Variants in TAFA4 observed in about 807,000 individuals in gnomAD.
TAFA4 encodes chemokine-like protein TAFA-4.
A neutral mutation model predicts 21.1 loss-of-function variants in TAFA4; 20 were observed. That is an observed-to-expected ratio of 0.95 (90% CI 0.67 to 1.38). TAFA4 has a LOEUF of 1.38. TAFA4 is among the 40% of genes most tolerant of loss of function. TAFA4 has a pLI of 0.00. For missense variants in TAFA4, 211 were observed against 180.9 expected, an observed-to-expected ratio of 1.17 and a Z score of -0.95; for synonymous variants, 71 against 67.4, an observed-to-expected ratio of 1.05 and a Z score of -0.26.
At chr3:68,741,569 C>T (rs1489641572) in intron 4 of TAFA4, among the ~76,000 whole-genome samples, 5 of 151,942 alleles carry the variant, frequency 3.3e-5, no homozygotes, top group African/African-American at 7.3e-5. Context: ...TCCAGGCAGG[C>T]AGATCATGAG....
At chr3:68,852,247 T>C (rs114600401) in intron 3 of TAFA4, among the ~76,000 whole-genome samples, 2 of 152,262 alleles carry the variant, frequency 1.3e-5, no homozygotes, top group Non-Finnish European at 2.9e-5. Flanking sequence ...GGAGGGACCA[T>C]GCATCTAAAG....
intron 1 of TAFA4, among the ~76,000 whole-genome samples, chr3:68,897,027 C>G (rs150478231): frequency 6.6e-6 from 1 of 152,064 alleles, no homozygotes; most frequent in African/African-American, 2.4e-5. Context: ...CTCAGCCTCC[C>G]GAGTAGCTGG....
At chr3:68,772,655 G>C (rs1602201) in intron 3 of TAFA4, among the ~76,000 whole-genome samples, 41,756 of 152,056 alleles carry the variant, frequency 0.27, 7,125 homozygotes, top group Non-Finnish European at 0.39. Context: ...CAGGCCATCA[G>C]AAAGACCAAG....
chr3:68,810,296 A>C (rs1703805061), intron 3 of TAFA4, among the ~76,000 whole-genome samples: 1 of 152,152 alleles, frequency 6.6e-6, no homozygotes, highest in Admixed American at 6.5e-5. Context: ...TAATGGGTTC[A>C]TCTCACTGGG....
intron 3 of TAFA4, among the ~76,000 whole-genome samples, chr3:68,842,716 T>C (rs1704692698): frequency 6.6e-6 from 1 of 152,232 alleles, no homozygotes; most frequent in East Asian, 1.9e-4. Context: ...GAGTTAATTT[T>C]TGTGTAAAGT....
Position 68,752,939 on chromosome 3 carries a change from C to G in TAFA4, c.210G>C (p.Arg70=). ...AGCAAGAGCACTTGACCGTTTGTGA[C>G]CGCTCTTCTATGCGGTTCTTATTGC... ...RCCNKNRIEE[R]SQTVKCSCFP... is the part of the protein sequence containing the mutation. Residue 70 remains arginine (R), a synonymous_variant, in exon 4 of 6, where the codon CGG becomes CGC. Transcript: ENST00000295569. 1 of 1,614,110 alleles carries G rather than the reference C, an allele frequency of 6.2e-7. No homozygotes were observed. Among genetic ancestry groups the G allele is most frequent in the South Asian group, 1.1e-5 (1 of 91,078 alleles).
Position 68,902,723 on chromosome 3 carries a change from T to C in TAFA4, c.-122-17413A>G, listed in dbSNP as rs953214181. Among the ~76,000 whole-genome samples the C allele has an allele frequency of 3.9e-5, 6 of 152,180 alleles. No individual in the cohort carries two copies. In the East Asian group the frequency reaches 5.8e-4, roughly 15 times the overall value. On this transcript the variant is annotated intron_variant, in intron 1 of 5. Coordinates refer to ENST00000295569, the MANE Select transcript of TAFA4 (RefSeq NM_182522.5). ...ACAACCTTGTCTTTTGGTCTTCCTC[T>C]ATTAACATGTTTCCCTTATATGTAT...
chr3:68,903,340 T>G (rs1454046275), intron 1 of TAFA4, among the ~76,000 whole-genome samples: 1 of 152,242 alleles, frequency 6.6e-6, no homozygotes, highest in African/African-American at 2.4e-5. Flanking sequence ...GAGCCTCTAT[T>G]TGAAATTCAT....
At chr3:68,760,829 G>C (rs1032600347) in intron 3 of TAFA4, among the ~76,000 whole-genome samples, 1 of 152,196 alleles carries the variant, frequency 6.6e-6, no homozygotes, top group Non-Finnish European at 1.5e-5. Flanking sequence ...AGACATCGCA[G>C]TGTAGAAGAC....
At chr3:68,821,868 T>C (rs1372535008) in intron 3 of TAFA4, among the ~76,000 whole-genome samples, 2 of 152,184 alleles carry the variant, frequency 1.3e-5, no homozygotes, top group African/African-American at 4.8e-5. Context: ...AACTAGCAGC[T>C]CTCTGTCTTC....
intron 1 of TAFA4, among the ~76,000 whole-genome samples, chr3:68,899,897 A>T (rs2089827244): frequency 6.6e-6 from 1 of 152,130 alleles, no homozygotes; most frequent in Non-Finnish European, 1.5e-5. Flanking sequence ...AAAAATTAAT[A>T]TCTGGAAAGC....
At chr3:68,786,392 A>G (rs1703262665) in intron 3 of TAFA4, among the ~76,000 whole-genome samples, 3 of 152,176 alleles carry the variant, frequency 2.0e-5, no homozygotes, top group Admixed American at 6.5e-5. Context: ...GGTGAGCCCA[A>G]GAGTTTGAGG....
intron 2 of TAFA4, among the ~76,000 whole-genome samples, chr3:68,881,180 G>C (rs1171842474): frequency 6.6e-6 from 1 of 152,178 alleles, no homozygotes; most frequent in Non-Finnish European, 1.5e-5. Flanking sequence ...AACACACTTA[G>C]AGCCAGATCC....
intron 1 of TAFA4, among the ~76,000 whole-genome samples, chr3:68,928,980 T>A (rs1378599324): frequency 3.7e-5 from 3 of 80,392 alleles, no homozygotes; most frequent in Non-Finnish European, 8.3e-5. Flanking sequence ...TACAATTAAG[T>A]TTATTTAAAA....
At chr3:68,856,956 G>A (rs1482222496) in intron 3 of TAFA4, among the ~76,000 whole-genome samples, 2 of 152,104 alleles carry the variant, frequency 1.3e-5, no homozygotes, top group Non-Finnish European at 2.9e-5. Context: ...AACATGACAG[G>A]ATAATAGAAC....
chr3:68,928,223 T>C (rs1343712176), intron 1 of TAFA4, among the ~76,000 whole-genome samples: 1 of 152,210 alleles, frequency 6.6e-6, no homozygotes, highest in Non-Finnish European at 1.5e-5. Context: ...TTCATCCATA[T>C]AAAGAAAGCC....
At chr3:68,798,420 A>C (rs1703499363) in intron 3 of TAFA4, among the ~76,000 whole-genome samples, 2 of 152,244 alleles carry the variant, frequency 1.3e-5, no homozygotes, top group African/African-American at 4.8e-5. Flanking sequence ...TGACAATGTA[A>C]GTGCAAACAA....
chr3:68,840,313 T>TC (rs1704631410), intron 3 of TAFA4, among the ~76,000 whole-genome samples: 2 of 152,012 alleles, frequency 1.3e-5, no homozygotes, highest in Non-Finnish European at 2.9e-5. Context: ...GTTTAAGTGA[T>TC]CCCCCCACCT....
chr3:68,773,697 G>A (rs1418226598), intron 3 of TAFA4, among the ~76,000 whole-genome samples: 1 of 152,044 alleles, frequency 6.6e-6, no homozygotes, highest in African/African-American at 2.4e-5. Context: ...CTGTGTCCCA[G>A]GAACCAGACA....
Sources: allele counts gnomAD v4.1 joint callset (sites outside exome capture counted in the v4.1 genomes callset), GRCh38; gene constraint gnomAD v4.1.1; transcripts MANE v1.5; gene names NCBI Gene and HGNC (gene_info 2026-07-23, HGNC 2026-07-21).